ZMYM4: variants seen among roughly 807,000 people sequenced by gnomAD.
ZMYM4 encodes zinc finger MYM-type protein 4.
Under a neutral mutation model 183.2 loss-of-function variants are expected in ZMYM4, and 31 were observed. That is an observed-to-expected ratio of 0.17 (90% CI 0.13 to 0.23). The LOEUF (loss-of-function observed/expected upper bound fraction) is 0.23. ZMYM4 is among the 10% of genes least tolerant of loss of function. The pLI is 1.00. For synonymous variants in ZMYM4, 592 were observed against 631.2 expected, an observed-to-expected ratio of 0.94 and a Z score of 0.93; for missense variants, 1,273 against 1,840.3, an observed-to-expected ratio of 0.69 and a Z score of 5.64.
chr1:35,319,815 G>A (rs540852255), intron 1 of ZMYM4, among the ~76,000 whole-genome samples: 1 of 152,288 alleles, frequency 6.6e-6, no homozygotes, highest in South Asian at 2.1e-4. Context: ...GGAGTGGTCT[G>A]TTGAAAGTAT....
At chr1:35,407,656 T>C (rs916291850) in intron 25 of ZMYM4, among the ~76,000 whole-genome samples, 4 of 152,298 alleles carry the variant, frequency 2.6e-5, no homozygotes, top group Admixed American at 2.6e-4. Context: ...ATCCTCAGAT[T>C]GGAATTCTTT....
intron 1 of ZMYM4, among the ~76,000 whole-genome samples, chr1:35,287,301 A>C (rs149558406): frequency 5.9e-5 from 9 of 151,446 alleles, no homozygotes; most frequent in Admixed American, 2.6e-4. Flanking sequence ...TCCTGGCCTC[A>C]AGTGATCCTC....
chr1:35,283,006 T>C (rs1160290415), intron 1 of ZMYM4, among the ~76,000 whole-genome samples: 1 of 98,194 alleles, frequency 1.0e-5, no homozygotes, highest in African/African-American at 5.0e-5. Context: ...TTTTTTTTTT[T>C]TTTTTTTTTT....
chr1:35,283,835 A>AGTTTTAGGAATTGTTTTTATATTC (rs1640324709), intron 1 of ZMYM4, among the ~76,000 whole-genome samples: 1 of 151,720 alleles, frequency 6.6e-6, no homozygotes, highest in Non-Finnish European at 1.5e-5. Flanking sequence ...TTTGTTGTTG[A>AGTTTTAGGAATTGTTTTTATATTC]GTTTTAGGAA....
intron 25 of ZMYM4, among the ~76,000 whole-genome samples, chr1:35,407,299 G>C (rs1355645526): frequency 6.6e-6 from 1 of 152,002 alleles, no homozygotes; most frequent in Non-Finnish European, 1.5e-5. Context: ...TGGGCATGGT[G>C]GTGCACGGCT....
At chr1:35,384,106 G>C (rs1158081132) in intron 9 of ZMYM4, among the ~76,000 whole-genome samples, 1 of 152,120 alleles carries the variant, frequency 6.6e-6, no homozygotes, top group African/African-American at 2.4e-5. Flanking sequence ...AGAAAGATAA[G>C]ACGTATAAAT....
At chr1:35,398,522 C>T in intron 21 of ZMYM4, 56 bp downstream of exon 21, 1 of 1,466,230 alleles carries the variant, frequency 6.8e-7, no homozygotes, top group South Asian at 1.2e-5. Flanking sequence ...TGTTAGAAAC[C>T]TATAAAATAT....
rs747471458 is a variant in ZMYM4 at position 35,269,011 on chromosome 1, C to T, written c.-36C>T. On this transcript the variant is annotated 5_prime_UTR_variant, in exon 1 of 30. Transcript: ENST00000314607. The stretch of plus-strand genomic sequence containing the variant: ...GGGCCGAGAGGTACCGCCGCCACCG[C>T]GCGGGGAGCCGCAGCGGTTCCGAGC... The T allele has an allele frequency of 4.0e-5, 61 of 1,521,452 alleles. No individual in the cohort carries two copies. Among genetic ancestry groups the T allele is most frequent in the African/African-American group, 1.6e-4 (11 of 70,050 alleles). The allele number at this position is 1,521,452 out of a possible 1,614,324, so 94.2% of individuals were successfully genotyped here.
intron 1 of ZMYM4, among the ~76,000 whole-genome samples, chr1:35,295,528 C>T (rs151080256): frequency 1.9e-3 from 288 of 152,176 alleles, no homozygotes; most frequent in African/African-American, 6.5e-3. Context: ...CATTGTAGGA[C>T]GTTTCAGCAT....
intron 2 of ZMYM4, among the ~76,000 whole-genome samples, chr1:35,346,100 T>G (rs548502364): frequency 1.3e-5 from 2 of 152,238 alleles, no homozygotes; most frequent in Non-Finnish European, 2.9e-5. Flanking sequence ...CATTTTGTAG[T>G]ATGTGTCAGA....
At chr1:35,373,438 C>T (rs918466210) in intron 7 of ZMYM4, among the ~76,000 whole-genome samples, 9 of 148,574 alleles carry the variant, frequency 6.1e-5, no homozygotes, top group East Asian at 2.0e-4. Flanking sequence ...AGTGCAGTGG[C>T]GCAGTCTCGG....
intron 1 of ZMYM4, among the ~76,000 whole-genome samples, chr1:35,280,279 TCC>T (rs541873273): frequency 6.7e-6 from 1 of 150,088 alleles, no homozygotes; most frequent in South Asian, 2.2e-4. Context: ...TCTCTCTCTC[TCC>T]CTCTCTCTCT....
chr1:35,360,688 A>G (rs1386204610), intron 3 of ZMYM4, among the ~76,000 whole-genome samples: 1 of 152,124 alleles, frequency 6.6e-6, no homozygotes, highest in Non-Finnish European at 1.5e-5. Flanking sequence ...ACAGTTAAAG[A>G]CAGTGGTAGA....
In ZMYM4 at chr1:35,361,775, C is replaced by T; in HGVS notation, c.826C>T (p.Pro276Ser). The T allele has an allele frequency of 1.2e-6, 2 of 1,604,990 alleles. No individual in the cohort carries two copies. Among genetic ancestry groups the T allele is most frequent in the Non-Finnish European group, 1.7e-6 (2 of 1,177,412 alleles). ...QGLLDKIKDEPDNAQEYSHGQ... is the reference protein window; with the variant it reads ...QGLLDKIKDESDNAQEYSHGQ... ...ACTACTAGACAAAATAAAAGATGAA[C>T]CTGACAATGCTCAAGTAAACATTTC... The change falls in exon 5 of 30, where the codon CCT becomes TCT. Residue 276 changes from proline (P) to serine (S), a missense_variant. This residue lies in a region of ZMYM4 where 384 missense variants were observed against 465.6 expected (regional missense o/e 0.82). Transcript: ENST00000314607.
At chr1:35,406,388 C>T (rs192889357) in intron 25 of ZMYM4, among the ~76,000 whole-genome samples, 29 of 152,274 alleles carry the variant, frequency 1.9e-4, no homozygotes, top group African/African-American at 6.7e-4. Context: ...GGTGCAGTGG[C>T]TCATACTTGT....
chr1:35,392,674 T>A lies in ZMYM4; in HGVS notation c.2756T>A (p.Ile919Asn). The A allele has an allele frequency of 6.3e-7, 1 of 1,594,356 alleles. No homozygotes were observed. Among genetic ancestry groups the A allele is most frequent in the Non-Finnish European group, 8.5e-7 (1 of 1,174,472 alleles). ...QGAVPTVTAK[I>N]IGDASTQTDA... is the part of the protein sequence containing the mutation. ...GCAGTTCCAACAGTAACAGCGAAAA[T>A]CATCGGTGATGTAAGTTTTATTACT... The change falls in exon 17 of 30, where the codon ATC (isoleucine) becomes AAC (asparagine). Residue 919 changes from isoleucine to asparagine, a missense_variant. Transcript: ENST00000314607.
chr1:35,406,288 C>G (rs898909095), intron 25 of ZMYM4, among the ~76,000 whole-genome samples: 4 of 152,116 alleles, frequency 2.6e-5, no homozygotes, highest in Admixed American at 1.3e-4. Context: ...CTGTCTGCTC[C>G]AAAGCTATGT....
At position 35,381,413 on chromosome 1, in the gene ZMYM4, A is replaced by G. The variant is rs143168247; in HGVS notation, c.1336A>G (p.Met446Val). Residue 446 changes from methionine (M) to valine (V), a missense_variant, in exon 8 of 30, where the codon ATG becomes GTG. Physicochemically the swap from Met to Val is conservative, Grantham distance 21. Around this residue, in one of 6 missense-constraint regions of ZMYM4, gnomAD observed 319 missense variants for 518.1 expected, o/e 0.62. Coordinates refer to ENST00000314607, the MANE Select transcript of ZMYM4 (RefSeq NM_005095.3). ...NTNSISTKCS[M>V]CQKNAVIRHE... ...AAATAGTATTTCAACCAAATGCAGC[A>G]TGTGTCAGAAGAATGCTGTTGTAAG... 4 of 1,609,180 alleles carry G rather than the reference A, an allele frequency of 2.5e-6. No individual in the cohort carries two copies. The highest frequency in any genetic ancestry group is 3.4e-6 in the Non-Finnish European group (4 of 1,176,672).
chr1:35,322,868 C>G (rs556633140), intron 1 of ZMYM4, among the ~76,000 whole-genome samples: 1 of 148,382 alleles, frequency 6.7e-6, no homozygotes, highest in Admixed American at 6.8e-5. Context: ...TTTTTTGTAT[C>G]TTTAATAGAG....
Sources: gnomAD v4.1 joint callset for allele counts (sites outside exome capture counted in the v4.1 genomes callset) on GRCh38, gnomAD v4.1.1 for gene constraint, gnomAD v4.1.1 regional missense constraint, MANE v1.5 for transcripts, NCBI Gene and HGNC (gene_info 2026-07-23, HGNC 2026-07-21) for gene names.